The following DLGAP2 variants were observed in gnomAD, a reference collection of about 807,000 sequenced individuals.
DLGAP2 encodes the protein disks large-associated protein 2.
A neutral mutation model predicts 100.3 loss-of-function variants in DLGAP2; 26 were observed. That is an observed-to-expected ratio of 0.26 (90% CI 0.19 to 0.36). The LOEUF is 0.36. DLGAP2 is among the 10% of genes least tolerant of loss of function. DLGAP2 has a pLI of 1.00. For synonymous variants in DLGAP2, 886 were observed against 630.1 expected, an observed-to-expected ratio of 1.41 and a Z score of -6.08; for missense variants, 1,858 against 1,453.2, an observed-to-expected ratio of 1.28 and a Z score of -4.53.
intron 2 of DLGAP2, among the ~76,000 whole-genome samples, chr8:1,174,445 C>T (rs1797207832): frequency 6.6e-6 from 1 of 151,688 alleles, no homozygotes; most frequent in African/African-American, 2.4e-5. Context: ...TCATTGCCAT[C>T]ACCAAAATCA....
At chr8:816,573 GT>G (rs1301406874) in intron 1 of DLGAP2, among the ~76,000 whole-genome samples, 1 of 152,100 alleles carries the variant, frequency 6.6e-6, no homozygotes, top group Non-Finnish European at 1.5e-5. Context: ...AGCTTTTAGG[GT>G]TCCTGCTGAG....
At chr8:1,262,767 C>A (rs535772547) in intron 3 of DLGAP2, among the ~76,000 whole-genome samples, 1 of 152,092 alleles carries the variant, frequency 6.6e-6, no homozygotes, top group Non-Finnish European at 1.5e-5. Flanking sequence ...AATTTAATAT[C>A]GGAAAATAAT....
intron 1 of DLGAP2, among the ~76,000 whole-genome samples, chr8:844,928 C>T (rs1246631254): frequency 1.3e-5 from 2 of 152,192 alleles, no homozygotes; most frequent in Non-Finnish European, 2.9e-5. Context: ...CAGAATCATA[C>T]AATATATGGA....
At chr8:1,202,400 T>C (rs1391880408) in intron 2 of DLGAP2, among the ~76,000 whole-genome samples, 1 of 152,094 alleles carries the variant, frequency 6.6e-6, no homozygotes, top group Non-Finnish European at 1.5e-5. Flanking sequence ...CATGCTGTTG[T>C]GGGGCGTGTG....
intron 4 of DLGAP2, among the ~76,000 whole-genome samples, chr8:1,520,194 G>T (rs17828263): frequency 0.15 from 22,509 of 152,218 alleles, 2,246 homozygotes; most frequent in African/African-American, 0.28. Flanking sequence ...TATCGATGGG[G>T]TGTCCACAAT....
intron 3 of DLGAP2, among the ~76,000 whole-genome samples, chr8:1,496,776 C>A (rs998612686): frequency 1.3e-5 from 2 of 152,156 alleles, no homozygotes; most frequent in Non-Finnish European, 2.9e-5. Flanking sequence ...GCTCTCCAGG[C>A]GGCACCCGAG....
intron 8 of DLGAP2, among the ~76,000 whole-genome samples, chr8:1,662,928 G>A (rs762464290): frequency 1.2e-4 from 18 of 144,792 alleles, no homozygotes; most frequent in Non-Finnish European, 1.2e-4. Context: ...GTGTGTACAC[G>A]TAGTGTGGGG....
chr8:1,328,925 C>G (rs1021396681), intron 3 of DLGAP2, among the ~76,000 whole-genome samples: 2 of 152,212 alleles, frequency 1.3e-5, no homozygotes, highest in African/African-American at 4.8e-5. Context: ...AATGAAGGGT[C>G]TGATCCTCTG....
rs1208550113 is a variant in DLGAP2 at position 1,668,430 on chromosome 8, A to C, written c.1912A>C (p.Thr638Pro). Residue 638 changes from threonine to proline, a missense_variant, in exon 9 of 15, where the codon ACC (threonine) becomes CCC (proline). Coordinates refer to ENST00000637795, the MANE Select transcript of DLGAP2 (RefSeq NM_001346810.2). ...GACGGCGCAGAGCAGCACCGAATCCACCCAGGACGCCTACCAGGACAGCCG... is the reference window on the plus strand; with the variant it reads ...GACGGCGCAGAGCAGCACCGAATCCCCCCAGGACGCCTACCAGGACAGCCG... ...SVTAQSSTESTQDAYQDSRAQ... is the reference protein window; with the variant it reads ...SVTAQSSTESPQDAYQDSRAQ... 1 of 1,602,626 alleles carries C rather than the reference A, an allele frequency of 6.2e-7. No individual in the cohort carries two copies. Among genetic ancestry groups the C allele is most frequent in the Non-Finnish European group, 8.5e-7 (1 of 1,175,208 alleles).
intron 3 of DLGAP2, among the ~76,000 whole-genome samples, chr8:1,329,905 CA>C (rs1315267411): frequency 6.6e-6 from 1 of 152,234 alleles, no homozygotes; most frequent in East Asian, 1.9e-4. Flanking sequence ...CTCATTGCTG[CA>C]AGCTGCAGCC....
intron 1 of DLGAP2, among the ~76,000 whole-genome samples, chr8:830,484 T>C (rs1796760956): frequency 6.6e-6 from 1 of 152,238 alleles, no homozygotes; most frequent in Admixed American, 6.5e-5. Flanking sequence ...GCCATCATTC[T>C]ACTCTCTATC....
rs150019914 is a variant in DLGAP2, at chr8:1,365,429, G to A, written c.106+106546G>A. Among the ~76,000 whole-genome samples, 606 of 152,288 alleles carry A rather than the reference G, an allele frequency of 4.0e-3. 3 individuals are homozygous for A. Among genetic ancestry groups the A allele is most frequent in the African/African-American group, 0.014 (577 of 41,578 alleles). ...CCTCTCCAACCGTGGAGGGGGAAGG[G>A]GCAGATGGAGCTCACTGGAATCCAC... On this transcript the variant is annotated intron_variant, in intron 3 of 14. Coordinates refer to ENST00000637795, the MANE Select transcript of DLGAP2 (RefSeq NM_001346810.2).
rs188965569 is a variant in DLGAP2 at position 1,315,255 on chromosome 8, A to G, written c.106+56372A>G. Among the ~76,000 whole-genome samples the G allele has an allele frequency of 2.0e-5, 3 of 151,946 alleles. No homozygotes were observed. The East Asian group carries it at 5.8e-4, about 30-fold the overall frequency. On this transcript the variant is annotated intron_variant, in intron 3 of 14. Coordinates refer to ENST00000637795, the MANE Select transcript of DLGAP2 (RefSeq NM_001346810.2). ...CAGTGTCTCTCCAGCAGTGGTCTAC[A>G]CTCGAGAAACTCGGCAGCGTTTAAA... is the stretch of plus-strand genomic sequence containing the variant.
intron 1 of DLGAP2, among the ~76,000 whole-genome samples, chr8:758,936 A>G (rs987120274): frequency 1.2e-4 from 18 of 151,056 alleles, no homozygotes; most frequent in African/African-American, 4.4e-4. Context: ...TCTAACCACT[A>G]CCCTCCCCAA....
chr8:1,495,361 G>A lies in DLGAP2; in HGVS notation c.107-6005G>A, dbSNP rs1396332442. Among the ~76,000 whole-genome samples the A allele has an allele frequency of 5.3e-5, 8 of 152,320 alleles. No individual in the cohort carries two copies. In the South Asian group the frequency reaches 1.2e-3, roughly 24 times the overall value. ...AGGACAAGGAGAGGCAGCCGAGGAC[G>A]TTTACTGTCCCGTGTTACCCGGCCA... On this transcript the variant is annotated intron_variant, in intron 3 of 14. Transcript: ENST00000637795.
chr8:1,627,218 G>A (rs112972852), intron 7 of DLGAP2, among the ~76,000 whole-genome samples: 2,743 of 152,274 alleles, frequency 0.018, 99 homozygotes, highest in African/African-American at 0.063. Flanking sequence ...AGTAAAAGGG[G>A]GCCAGGGAAA....
At chr8:801,625 C>A (rs899499713) in intron 1 of DLGAP2, among the ~76,000 whole-genome samples, 5 of 152,122 alleles carry the variant, frequency 3.3e-5, no homozygotes, top group Non-Finnish European at 7.4e-5. Context: ...GACGGTGGGG[C>A]TGCTGGGATG....
intron 1 of DLGAP2, among the ~76,000 whole-genome samples, chr8:860,816 C>T (rs575458892): frequency 1.6e-4 from 24 of 152,116 alleles, no homozygotes; most frequent in African/African-American, 3.4e-4. Flanking sequence ...GTGAGAAAGA[C>T]GGAGAAGAAG....
chr8:1,494,075 TAACA>T (rs781626375), intron 3 of DLGAP2, among the ~76,000 whole-genome samples: 51 of 152,048 alleles, frequency 3.4e-4, no homozygotes, highest in Non-Finnish European at 6.3e-4. Context: ...CATAAACACA[TAACA>T]AACACTCTGC....
Sources: gnomAD v4.1 joint callset for allele counts (sites outside exome capture counted in the v4.1 genomes callset) on GRCh38, gnomAD v4.1.1 for gene constraint, MANE v1.5 for transcripts, NCBI Gene and HGNC (gene_info 2026-07-23, HGNC 2026-07-21) for gene names.